Variants in CYP4X1 observed in about 807,000 individuals in gnomAD.
The protein encoded by CYP4X1 is cytochrome P450 4X1.
Under a neutral mutation model 57.9 loss-of-function variants are expected in CYP4X1, and 44 were observed. The ratio of observed to expected loss-of-function variants is 0.76; its 90% CI spans 0.60 to 0.98. The LOEUF is 0.98. Among genes scored for constraint, CYP4X1 ranks in the 50% least tolerant of loss-of-function variants. CYP4X1 has a pLI of 0.00. For missense variants in CYP4X1, 532 were observed against 623.9 expected, an observed-to-expected ratio of 0.85 and a Z score of 1.57; for synonymous variants, 227 against 228.6, an observed-to-expected ratio of 0.99 and a Z score of 0.06.
Position 47,023,693 on chromosome 1 carries a change from T to G in CYP4X1, c.-125T>G, listed in dbSNP as rs1356564336. On this transcript the variant is annotated 5_prime_UTR_variant, in exon 1 of 12. Transcript: ENST00000371901. ...CACTGCCTTTCCTTCTTCCCGCGAGTCAGAAGCTTCGCGAGGGCCCAGAGA... is the reference window on the plus strand; with the variant it reads ...CACTGCCTTTCCTTCTTCCCGCGAGGCAGAAGCTTCGCGAGGGCCCAGAGA... 5.1e-5 allele frequency: 73 copies of G among 1,438,292 alleles called. No homozygotes were observed. The highest frequency in any genetic ancestry group is 2.6e-4 in the Middle Eastern group (1 of 3,870). The allele number at this position is 1,438,292 out of a possible 1,614,324, so 89.1% of individuals were successfully genotyped here.
At chr1:47,035,748 A>T in intron 4 of CYP4X1, 58 bp from the exon 5 acceptor site, 3 of 1,568,158 alleles carry the variant, frequency 1.9e-6, no homozygotes, top group Non-Finnish European at 2.6e-6. Flanking sequence ...GAGCCTTCAA[A>T]TGAAGGCAAT....
At chr1:47,023,536 T>C (rs926368035), upstream of CYP4X1, 11 of 1,187,232 alleles carry the variant, frequency 9.3e-6, no homozygotes, top group African/African-American at 1.7e-4. Context: ...GACTGAAAAC[T>C]GTTGGACTTA....
rs772628269 is a variant in CYP4X1, at chr1:47,049,403, G to C, written c.1273-19G>C. 1 of 1,607,694 alleles carries C rather than the reference G, an allele frequency of 6.2e-7. No homozygotes were observed. Among genetic ancestry groups the C allele is most frequent in the South Asian group, 1.1e-5 (1 of 90,902 alleles). ...CATGTTGTTTGGGGGATGGTGTTGG[G>C]GTTGTCCTCTCATTTCAGGTCTTTG... On this transcript the variant is annotated intron_variant, in intron 10 of 11. Coordinates refer to ENST00000371901, the MANE Select transcript of CYP4X1 (RefSeq NM_178033.2).
intron 9 of CYP4X1, among the ~76,000 whole-genome samples, chr1:47,046,955 AT>A (rs1295895757): frequency 7.9e-5 from 12 of 152,314 alleles, no homozygotes; most frequent in Admixed American, 3.9e-4. Context: ...CAGCATCTTT[AT>A]CTGAAAGACC....
intron 4 of CYP4X1, among the ~76,000 whole-genome samples, chr1:47,034,447 G>A (rs959778923): frequency 1.3e-5 from 2 of 152,162 alleles, no homozygotes; most frequent in Non-Finnish European, 2.9e-5. Context: ...AATAAGACAA[G>A]TAATTCACTA....
chr1:47,016,314 G>A, the CYP4X1 span, among the ~76,000 whole-genome samples: 1 of 151,594 alleles, frequency 6.6e-6, no homozygotes, highest in African/African-American at 2.4e-5. Context: ...ACAGAAGGAA[G>A]CTGTACAGGA....
intron 9 of CYP4X1, 145 bp downstream of exon 9, chr1:47,046,745 C>T: frequency 8.2e-7 from 1 of 1,221,474 alleles, no homozygotes. Context: ...CTATGAGGAG[C>T]TCAGAGGATA....
chr1:47,034,332 G>A (rs1038998702), intron 4 of CYP4X1, among the ~76,000 whole-genome samples: 6 of 152,168 alleles, frequency 3.9e-5, no homozygotes, highest in Non-Finnish European at 7.4e-5. Context: ...ACCTTTCAAA[G>A]GGGCTGAAGA....
At chr1:47,010,929 C>G in the CYP4X1 span, among the ~76,000 whole-genome samples, 2 of 152,208 alleles carry the variant, frequency 1.3e-5, no homozygotes, top group African/African-American at 4.8e-5. Context: ...AATGGACTAA[C>G]ATTCCATGCT....
upstream of CYP4X1, among the ~76,000 whole-genome samples, chr1:47,021,101 G>T: frequency 9.5e-6 from 1 of 105,652 alleles, no homozygotes; most frequent in Non-Finnish European, 1.7e-5. Flanking sequence ...CTGTACTGTA[G>T]CCAAGAAAAT....
the CYP4X1 span, among the ~76,000 whole-genome samples, chr1:46,983,061 G>T: frequency 2.0e-5 from 3 of 152,332 alleles, no homozygotes; most frequent in African/African-American, 7.2e-5. Flanking sequence ...GACACGTGGT[G>T]GGGTGGGGAG....
chr1:47,013,534 G>A, the CYP4X1 span, among the ~76,000 whole-genome samples: 1 of 152,054 alleles, frequency 6.6e-6, no homozygotes, highest in East Asian at 1.9e-4. Context: ...TACACCATAA[G>A]TTACATTACT....
the CYP4X1 span, among the ~76,000 whole-genome samples, chr1:46,979,270 G>A: frequency 4.6e-5 from 7 of 151,916 alleles, no homozygotes; most frequent in East Asian, 5.8e-4. Flanking sequence ...TCAAATAGAC[G>A]CAATAAAAAA....
chr1:46,983,187 G>C, the CYP4X1 span, among the ~76,000 whole-genome samples: 1 of 152,198 alleles, frequency 6.6e-6, no homozygotes, highest in Non-Finnish European at 1.5e-5. Flanking sequence ...GCAAGGGTGG[G>C]TATTGCTGCA....
chr1:47,008,620 C>T, the CYP4X1 span, among the ~76,000 whole-genome samples: 2 of 152,140 alleles, frequency 1.3e-5, no homozygotes, highest in Non-Finnish European at 2.9e-5. Flanking sequence ...TTAAAAGACA[C>T]AGACTGGCAA....
the CYP4X1 span, among the ~76,000 whole-genome samples, chr1:46,977,219 A>G: frequency 6.6e-6 from 1 of 152,140 alleles, no homozygotes; most frequent in East Asian, 1.9e-4. Flanking sequence ...AGGAAGCAAA[A>G]AGCCTTGAAA....
downstream of CYP4X1, among the ~76,000 whole-genome samples, chr1:47,053,238 G>A (rs1178961104): frequency 1.3e-5 from 2 of 152,126 alleles, no homozygotes; most frequent in Non-Finnish European, 2.9e-5. Flanking sequence ...CCCTACAAAG[G>A]ACATGAACTC....
downstream of CYP4X1, among the ~76,000 whole-genome samples, chr1:47,054,287 T>C (rs1644379109): frequency 1.3e-5 from 2 of 152,108 alleles, no homozygotes; most frequent in Admixed American, 1.3e-4. Flanking sequence ...TATCTCTGTT[T>C]TGGTACCAGT....
chr1:47,015,860 T>C, the CYP4X1 span, among the ~76,000 whole-genome samples: 1 of 152,164 alleles, frequency 6.6e-6, no homozygotes, highest in African/African-American at 2.4e-5. Context: ...CGGCCACGTG[T>C]TTTCTCTCTT....
Sources: gnomAD v4.1 joint callset for allele counts (sites outside exome capture counted in the v4.1 genomes callset) on GRCh38, gnomAD v4.1.1 for gene constraint, MANE v1.5 for transcripts, NCBI Gene and HGNC (gene_info 2026-07-23, HGNC 2026-07-21) for gene names.